Variants in JCAD observed in about 807,000 individuals in gnomAD.
The protein encoded by JCAD is junctional cadherin 5 associated.
A neutral mutation model predicts 98.0 loss-of-function variants in JCAD; 40 were observed. The ratio of observed to expected loss-of-function variants is 0.41; its 90% CI spans 0.32 to 0.53. The LOEUF (loss-of-function observed/expected upper bound fraction) is 0.53. Among genes scored for constraint, JCAD ranks in the 20% least tolerant of loss-of-function variants. The pLI, the probability that JCAD is intolerant of heterozygous loss-of-function variation, is 0.31. For synonymous variants in JCAD, 691 were observed against 682.3 expected, an observed-to-expected ratio of 1.01 and a Z score of -0.20; for missense variants, 1,705 against 1,738.1, an observed-to-expected ratio of 0.98 and a Z score of 0.34.
At chr10:30,044,473 A>G (rs1188160885) in intron 2 of JCAD, among the ~76,000 whole-genome samples, 1 of 152,024 alleles carries the variant, frequency 6.6e-6, no homozygotes, top group Non-Finnish European at 1.5e-5. Context: ...ACCCTTCCCA[A>G]TCACGCTGAT....
At chr10:30,083,173 C>A (rs1414702695) in intron 1 of JCAD, among the ~76,000 whole-genome samples, 1 of 151,418 alleles carries the variant, frequency 6.6e-6, no homozygotes, top group Admixed American at 6.6e-5. Context: ...TTTTTTTTAA[C>A]CATGAGAAGA....
chr10:30,087,933 C>A (rs571520469), intron 1 of JCAD, among the ~76,000 whole-genome samples: 1 of 152,214 alleles, frequency 6.6e-6, no homozygotes, highest in Admixed American at 6.5e-5. Flanking sequence ...CTCTGCCTCC[C>A]GGGTTGAAGC....
chr10:30,069,292 G>A (rs1837839478), intron 2 of JCAD, among the ~76,000 whole-genome samples: 1 of 151,914 alleles, frequency 6.6e-6, no homozygotes, highest in South Asian at 2.1e-4. Context: ...GCTGACCAAA[G>A]GAGTGAGGCA....
At chr10:30,022,526 T>C (rs1190494933) in intron 3 of JCAD, among the ~76,000 whole-genome samples, 1 of 152,182 alleles carries the variant, frequency 6.6e-6, no homozygotes, top group Non-Finnish European at 1.5e-5. Context: ...AGCGGAAAAG[T>C]GGACATACGT....
At chr10:30,115,469 C>T (rs925286109) in exon 1 of JCAD, 9 of 152,164 alleles carry the variant, frequency 5.9e-5, no homozygotes, top group South Asian at 2.1e-4. Flanking sequence ...AATCCTCCTC[C>T]GATAGCAGCT....
intron 1 of JCAD, among the ~76,000 whole-genome samples, chr10:30,087,434 G>A (rs7098991): frequency 0.016 from 2,435 of 152,086 alleles, 58 homozygotes; most frequent in African/African-American, 0.055. Context: ...GAGAGACTCC[G>A]TCTCAAAAAT....
chr10:30,052,946 T>C (rs116799549), intron 1 of JCAD, among the ~76,000 whole-genome samples: 2 of 152,214 alleles, frequency 1.3e-5, no homozygotes, highest in African/African-American at 4.8e-5. Context: ...AACAAAACAT[T>C]AAGGAACTCA....
At chr10:30,023,579 C>T (rs536101711) in intron 3 of JCAD, among the ~76,000 whole-genome samples, 78 of 152,190 alleles carry the variant, frequency 5.1e-4, no homozygotes, top group Middle Eastern at 3.4e-3. Flanking sequence ...CCCCATTAAG[C>T]GACGCATGAC....
chr10:30,032,394 A>C (rs188696370), intron 2 of JCAD, among the ~76,000 whole-genome samples: 2 of 152,192 alleles, frequency 1.3e-5, no homozygotes, highest in Non-Finnish European at 2.9e-5. Flanking sequence ...AATGCAACCA[A>C]AGGAAAGTAT....
chr10:30,095,876 T>C (rs1838359357), intron 1 of JCAD, among the ~76,000 whole-genome samples: 1 of 152,228 alleles, frequency 6.6e-6, no homozygotes, highest in Admixed American at 6.5e-5. Flanking sequence ...CATTAGTAAG[T>C]GACAGGCTGT....
At chr10:30,026,069 T>C in intron 3 of JCAD, 34 bp downstream of exon 3, 2 of 1,613,498 alleles carry the variant, frequency 1.2e-6, no homozygotes, top group South Asian at 1.1e-5. Flanking sequence ...TCCAAATGTA[T>C]ACTGAGCACC....
upstream of JCAD, among the ~76,000 whole-genome samples, chr10:30,061,168 T>C (rs749169396): frequency 1.3e-4 from 20 of 152,150 alleles, no homozygotes; most frequent in Non-Finnish European, 2.5e-4. Flanking sequence ...GGGGTAATGA[T>C]GGTTTGCATC....
intron 1 of JCAD, among the ~76,000 whole-genome samples, chr10:30,114,319 C>T (rs577359442): frequency 3.2e-4 from 48 of 152,190 alleles, no homozygotes; most frequent in African/African-American, 1.1e-3. Context: ...ACTGTCTTCC[C>T]CCAACCCTGG....
At chr10:30,025,255 C>T (rs141684685) in intron 3 of JCAD, among the ~76,000 whole-genome samples, 2,640 of 151,828 alleles carry the variant, frequency 0.017, 76 homozygotes, top group African/African-American at 0.061. Context: ...CAGTGGTTCA[C>T]GCCTGTAATC....
At chr10:30,052,178 G>A (rs1837484066) in intron 1 of JCAD, among the ~76,000 whole-genome samples, 2 of 152,196 alleles carry the variant, frequency 1.3e-5, no homozygotes, top group Non-Finnish European at 2.9e-5. Context: ...GCATGGGGCT[G>A]GGTTACCTCC....
chr10:30,060,726 T>C (rs1837684628), upstream of JCAD, among the ~76,000 whole-genome samples: 1 of 152,202 alleles, frequency 6.6e-6, no homozygotes, highest in South Asian at 2.1e-4. Flanking sequence ...CCTTCCTATG[T>C]ATTATTTCTT....
At chr10:30,104,933 CATTG>C (rs1838545722) in intron 1 of JCAD, among the ~76,000 whole-genome samples, 1 of 152,130 alleles carries the variant, frequency 6.6e-6, no homozygotes, top group Non-Finnish European at 1.5e-5. Context: ...TAATAGTTAG[CATTG>C]ATTGAATGTG....
intron 1 of JCAD, among the ~76,000 whole-genome samples, chr10:30,092,034 CAAAAAAAAAAAAAAA>C (rs1198107053): frequency 9.9e-4 from 35 of 35,380 alleles, no homozygotes; most frequent in South Asian, 2.8e-3. Flanking sequence ...TCCCCCACCA[CAAAAAAAAAAAAAAA>C]AAAAAAAAAA....
intron 3 of JCAD, among the ~76,000 whole-genome samples, chr10:30,020,961 T>C (rs1000274206): frequency 6.6e-6 from 1 of 152,218 alleles, no homozygotes; most frequent in Non-Finnish European, 1.5e-5. Context: ...GCCATGTCTG[T>C]CTGTACCACC....
Sources: gnomAD v4.1 joint callset for allele counts (sites outside exome capture counted in the v4.1 genomes callset) on GRCh38, gnomAD v4.1.1 for gene constraint, MANE v1.5 for transcripts, NCBI Gene and HGNC (gene_info 2026-07-23, HGNC 2026-07-21) for gene names.